Variants in EIF4B observed in about 807,000 individuals in gnomAD.
EIF4B encodes eukaryotic translation initiation factor 4B.
A neutral mutation model predicts 79.3 loss-of-function variants in EIF4B; 8 were observed. That is an observed-to-expected ratio of 0.10 (90% CI 0.06 to 0.18). The LOEUF is 0.18. Ranked by LOEUF, EIF4B falls within the 10% of genes least tolerant of loss-of-function variation. The pLI, the probability that EIF4B is intolerant of heterozygous loss-of-function variation, is 1.00. For missense variants in EIF4B, 515 were observed against 792.4 expected (o/e 0.65, Z 4.20); for synonymous variants, 238 against 274.7 (o/e 0.87, Z 1.32).
At chr12:53,021,069 T>G (rs986323273) in intron 4 of EIF4B, among the ~76,000 whole-genome samples, 3 of 152,220 alleles carry the variant, frequency 2.0e-5, no homozygotes, top group Admixed American at 6.5e-5. Context: ...AAAATCATTG[T>G]TATCCTTCAA....
At position 53,007,456 on chromosome 12, in the gene EIF4B, CTG is replaced by C. The variant is rs143984577; in HGVS notation, c.13+963_13+964del. On this transcript the variant is annotated intron_variant, in intron 1 of 14. Coordinates refer to ENST00000262056, the MANE Select transcript of EIF4B (RefSeq NM_001417.7). Reference sequence around the variant, plus strand: ...TTTTTTTTTTTTTTTTTTAAGGTAACTGTGCAACTACCAGCAGGTACTTTTAA... The same window carrying C: ...TTTTTTTTTTTTTTTTTTAAGGTAACTGCAACTACCAGCAGGTACTTTTAA... 7.1e-3 allele frequency among the ~76,000 whole-genome samples: 753 copies of C among 106,294 alleles called. 9 individuals carry two copies. Among genetic ancestry groups the C allele is most frequent in the African/African-American group, 0.027 (712 of 26,364 alleles). 69.7% of individuals were successfully genotyped at this position (106,294 alleles called of 152,430 possible).
chr12:53,020,996 T>A (rs1283105025), intron 4 of EIF4B, among the ~76,000 whole-genome samples: 1 of 152,230 alleles, frequency 6.6e-6, no homozygotes, highest in Non-Finnish European at 1.5e-5. Flanking sequence ...TAGTTAAGAG[T>A]TACTTTGTTA....
chr12:53,024,467 A>G (rs2037417), intron 6 of EIF4B, among the ~76,000 whole-genome samples: 126,068 of 152,116 alleles, frequency 0.83, 53,974 homozygotes, highest in East Asian at 0.97. Context: ...GTTGGTGGGG[A>G]TAGGGAAAAT....
chr12:53,016,708 T>TA (rs1943154578), intron 2 of EIF4B, 98 bp downstream of exon 2: 3 of 1,458,864 alleles, frequency 2.1e-6, no homozygotes. Context: ...GAAAAGAACT[T>TA]ACTCATTTTT....
At chr12:53,030,356 A>G (rs912091595) in intron 8 of EIF4B, among the ~76,000 whole-genome samples, 4 of 149,544 alleles carry the variant, frequency 2.7e-5, no homozygotes, top group Non-Finnish European at 5.9e-5. Context: ...TGGGCAACAT[A>G]GTGAGACCCC....
At chr12:53,036,084 TTC>T in intron 10 of EIF4B, among the ~76,000 whole-genome samples, 1 of 10,614 alleles carries the variant, frequency 9.4e-5, no homozygotes, top group Non-Finnish European at 2.2e-3. Context: ...ATGCCTGGCC[TTC>T]TATTTTTTTT....
In EIF4B at chr12:53,040,904, G is replaced by A. The variant is rs971247789; in HGVS notation, c.*681G>A. 4 of 152,008 alleles carry A rather than the reference G, an allele frequency of 2.6e-5. No homozygotes were observed. The highest frequency in any genetic ancestry group is 9.7e-5 in the African/African-American group (4 of 41,394). The allele number at this position is 152,008 out of a possible 1,614,324, so 9.4% of individuals were successfully genotyped here. On this transcript the variant is annotated 3_prime_UTR_variant, in exon 15 of 15. Coordinates refer to ENST00000262056, the MANE Select transcript of EIF4B (RefSeq NM_001417.7). ...AATCGTGGTTTGAAAAGAAGCTTTTGGGAAGTGATGAGTCATTTTGCACCA... is the reference window on the plus strand; with the variant it reads ...AATCGTGGTTTGAAAAGAAGCTTTTAGGAAGTGATGAGTCATTTTGCACCA...
At chr12:53,018,157 AT>A (rs1943178252) in intron 2 of EIF4B, among the ~76,000 whole-genome samples, 1 of 152,094 alleles carries the variant, frequency 6.6e-6, no homozygotes, top group African/African-American at 2.4e-5. Context: ...CACCTGGCTA[AT>A]TTTTGTATTT....
At chr12:53,011,054 A>T (rs1943056442) in intron 1 of EIF4B, among the ~76,000 whole-genome samples, 1 of 152,212 alleles carries the variant, frequency 6.6e-6, no homozygotes, top group East Asian at 1.9e-4. Context: ...ACTTAAGCCC[A>T]GGAATTCAAG....
intron 8 of EIF4B, among the ~76,000 whole-genome samples, chr12:53,029,700 G>A (rs1236391352): frequency 6.6e-6 from 1 of 152,012 alleles, no homozygotes; most frequent in East Asian, 1.9e-4. Context: ...TAACATCTTT[G>A]TGTTAGTCCT....
In EIF4B at chr12:53,020,019, A is replaced by G. The variant is rs376102836; in HGVS notation, c.470A>G (p.Asn157Ser). The change falls in exon 4 of 15, where the codon AAT becomes AGT. Residue 157 changes from asparagine to serine, a missense_variant. Physicochemically the swap from Asn to Ser is conservative, Grantham distance 46. Coordinates refer to ENST00000262056, the MANE Select transcript of EIF4B (RefSeq NM_001417.7). ...TCCCTGCTCAGTGCCCTGAGTCTCA[A>G]TGAAGAGGTAAAGAAAATAAGAGTG... ...LDSLLSALSL[N>S]EESLGNRRIR... 4.4e-5 allele frequency: 70 copies of G among 1,605,378 alleles called. No homozygotes were observed. The highest frequency in any genetic ancestry group is 1.7e-4 in the African/African-American group (13 of 74,358).
chr12:53,006,557 C>G (rs1422197463), intron 1 of EIF4B, 61 bp downstream of exon 1: 1 of 1,611,624 alleles, frequency 6.2e-7, no homozygotes. Flanking sequence ...CGAGCGTGAT[C>G]CACTGATTTC....
intron 1 of EIF4B, among the ~76,000 whole-genome samples, chr12:53,011,520 A>T (rs1395198874): frequency 2.6e-5 from 4 of 152,186 alleles, no homozygotes; most frequent in Non-Finnish European, 5.9e-5. Context: ...GTCAGAGTGG[A>T]ATGGGGATCG....
At chr12:53,022,442 G>A (rs529240252) in intron 5 of EIF4B, 51 bp from the exon 6 acceptor site, 1 of 1,602,734 alleles carries the variant, frequency 6.2e-7, no homozygotes, top group Non-Finnish European at 8.5e-7. Context: ...AGAAATATTG[G>A]GCAAAGTTTT....
At chr12:53,018,329 C>T (rs549440693) in intron 2 of EIF4B, among the ~76,000 whole-genome samples, 1 of 152,142 alleles carries the variant, frequency 6.6e-6, no homozygotes, top group Non-Finnish European at 1.5e-5. Flanking sequence ...CAGAAAAATA[C>T]TCAACTTCAA....
intron 2 of EIF4B, 109 bp from the exon 3 acceptor site, chr12:53,018,689 T>C: frequency 1.5e-6 from 2 of 1,312,280 alleles, no homozygotes; most frequent in Non-Finnish European, 2.1e-6. Context: ...TTGGTCTGGT[T>C]TTCTTGTATA....
At chr12:53,038,768 G>A (rs1383385059) in intron 12 of EIF4B, 1 of 164,442 alleles carries the variant, frequency 6.1e-6, no homozygotes, top group African/African-American at 2.4e-5. Context: ...AGTAAGCCAA[G>A]ATGGCCCCAC....
intron 10 of EIF4B, among the ~76,000 whole-genome samples, chr12:53,035,202 G>GT (rs1040524564): frequency 8.6e-5 from 13 of 150,922 alleles, no homozygotes; most frequent in African/African-American, 2.2e-4. Context: ...ACCATGATGT[G>GT]TTTTTTTTGT....
intron 1 of EIF4B, among the ~76,000 whole-genome samples, chr12:53,012,857 C>G (rs1943088682): frequency 6.6e-6 from 1 of 152,016 alleles, no homozygotes; most frequent in South Asian, 2.1e-4. Context: ...CCACCCGCCT[C>G]GGCCTCCCAA....
Sources: gnomAD v4.1 joint callset for allele counts (sites outside exome capture counted in the v4.1 genomes callset) on GRCh38, gnomAD v4.1.1 for gene constraint, MANE v1.5 for transcripts, NCBI Gene and HGNC (gene_info 2026-07-23, HGNC 2026-07-21) for gene names.